SCHIP1: variants seen among roughly 807,000 people sequenced by gnomAD.
SCHIP1 encodes the protein schwannomin-interacting protein 1.
In SCHIP1, 8 loss-of-function variants were observed where a neutral mutation model predicts 29.7. That is an observed-to-expected ratio of 0.27 (90% CI 0.16 to 0.49). The LOEUF (loss-of-function observed/expected upper bound fraction) is 0.49. Among genes scored for constraint, SCHIP1 ranks in the 20% least tolerant of loss-of-function variants. The pLI is 0.99. For synonymous variants in SCHIP1, 76 were observed against 94.9 expected (o/e 0.80, Z 1.16); for missense variants, 193 against 294.6 (o/e 0.66, Z 2.52).
chr3:159,342,564 T>C, the SCHIP1 span, among the ~76,000 whole-genome samples: 1 of 152,214 alleles, frequency 6.6e-6, no homozygotes, highest in Admixed American at 6.5e-5. Flanking sequence ...AAGTTTTCAT[T>C]ACATAACATT....
the SCHIP1 span, among the ~76,000 whole-genome samples, chr3:159,518,783 A>C: frequency 6.6e-6 from 1 of 152,124 alleles, no homozygotes; most frequent in Non-Finnish European, 1.5e-5. Flanking sequence ...ATATTCCTCC[A>C]ACAATTTCTA....
At chr3:159,865,589 A>G (rs1175195523) in intron 1 of SCHIP1, among the ~76,000 whole-genome samples, 1 of 152,208 alleles carries the variant, frequency 6.6e-6, no homozygotes, top group Non-Finnish European at 1.5e-5. Flanking sequence ...TTGAATGGAA[A>G]CAACAGTCCC....
At chr3:159,738,649 G>A in the SCHIP1 span, among the ~76,000 whole-genome samples, 9 of 152,110 alleles carry the variant, frequency 5.9e-5, no homozygotes, top group Admixed American at 2.0e-4. Context: ...TGTATCCCCA[G>A]GCAATGGGGG....
chr3:159,647,994 G>A, the SCHIP1 span, among the ~76,000 whole-genome samples: 521 of 152,196 alleles, frequency 3.4e-3, no homozygotes, highest in African/African-American at 0.012. Context: ...CACTTCTTCC[G>A]CTAGATCCCA....
the SCHIP1 span, among the ~76,000 whole-genome samples, chr3:159,734,192 G>A: frequency 6.9e-6 from 1 of 144,106 alleles, no homozygotes; most frequent in Non-Finnish European, 1.5e-5. Context: ...GCCCAGACTG[G>A]AGTGCAATGG....
chr3:159,302,829 C>A, the SCHIP1 span, among the ~76,000 whole-genome samples: 1 of 152,142 alleles, frequency 6.6e-6, no homozygotes, highest in South Asian at 2.1e-4. Flanking sequence ...TCCTGGGAAA[C>A]CCCTCAGTCC....
the SCHIP1 span, among the ~76,000 whole-genome samples, chr3:159,349,874 A>G: frequency 9.2e-5 from 14 of 152,352 alleles, no homozygotes; most frequent in Non-Finnish European, 2.1e-4. Context: ...ATCCTTCCAT[A>G]GCTAAACAGT....
chr3:159,476,318 A>G, the SCHIP1 span, among the ~76,000 whole-genome samples: 1 of 152,160 alleles, frequency 6.6e-6, no homozygotes, highest in Non-Finnish European at 1.5e-5. Context: ...TTGAGATACT[A>G]GTGGGTTGAG....
At chr3:159,794,004 C>T in the SCHIP1 span, among the ~76,000 whole-genome samples, 1 of 152,184 alleles carries the variant, frequency 6.6e-6, no homozygotes, top group Non-Finnish European at 1.5e-5. Flanking sequence ...CTACATTCGG[C>T]CCACCCGGGT....
the SCHIP1 span, among the ~76,000 whole-genome samples, chr3:159,400,322 T>C: frequency 3.3e-5 from 5 of 152,240 alleles, no homozygotes; most frequent in African/African-American, 7.2e-5. Flanking sequence ...CCTATGATAA[T>C]TGGTTGAGAG....
At chr3:159,431,614 T>A in the SCHIP1 span, among the ~76,000 whole-genome samples, 1 of 151,876 alleles carries the variant, frequency 6.6e-6, no homozygotes, top group South Asian at 2.1e-4. Flanking sequence ...GGAGTAGGTA[T>A]CCTGGCTAAG....
the SCHIP1 span, among the ~76,000 whole-genome samples, chr3:159,509,602 G>T: frequency 3.9e-5 from 6 of 152,178 alleles, no homozygotes; most frequent in Non-Finnish European, 7.3e-5. Flanking sequence ...GCAGTGGCTG[G>T]TACTGGTTGT....
the SCHIP1 span, among the ~76,000 whole-genome samples, chr3:159,345,996 C>G: frequency 4.5e-4 from 68 of 152,050 alleles, no homozygotes; most frequent in African/African-American, 1.6e-3. Context: ...GAGTTCGAGA[C>G]CAGCCTGGCC....
chr3:159,395,740 G>C, the SCHIP1 span, among the ~76,000 whole-genome samples: 14 of 151,460 alleles, frequency 9.2e-5, no homozygotes, highest in African/African-American at 3.1e-4. Context: ...TTACTTCCAA[G>C]TATGTGGTCA....
the SCHIP1 span, among the ~76,000 whole-genome samples, chr3:159,468,755 TAA>T: frequency 9.6e-5 from 11 of 114,244 alleles, no homozygotes; most frequent in African/African-American, 4.0e-4. Context: ...ATATATAATA[TAA>T]TATATATATA....
At chr3:159,592,587 A>C in the SCHIP1 span, among the ~76,000 whole-genome samples, 1 of 151,716 alleles carries the variant, frequency 6.6e-6, no homozygotes. Flanking sequence ...CTCTCTGTGC[A>C]TGCCCTCTGC....
the SCHIP1 span, among the ~76,000 whole-genome samples, chr3:159,506,867 T>C: frequency 6.6e-6 from 1 of 152,262 alleles, no homozygotes; most frequent in East Asian, 1.9e-4. Context: ...TTTGTTACTG[T>C]AGCCTTGTAA....
chr3:159,644,372 G>A, the SCHIP1 span, among the ~76,000 whole-genome samples: 14 of 152,092 alleles, frequency 9.2e-5, no homozygotes, highest in African/African-American at 3.1e-4. Context: ...CACTGATCAG[G>A]AACTATGTAA....
the SCHIP1 span, among the ~76,000 whole-genome samples, chr3:159,394,546 G>A: frequency 6.6e-6 from 1 of 152,120 alleles, no homozygotes; most frequent in African/African-American, 2.4e-5. Context: ...TTTTGTCAAA[G>A]GCCTTTTCTG....
Sources: allele counts gnomAD v4.1 joint callset (sites outside exome capture counted in the v4.1 genomes callset), GRCh38; gene constraint gnomAD v4.1.1; transcripts MANE v1.5; gene names NCBI Gene and HGNC (gene_info 2026-07-23, HGNC 2026-07-21).